Variants in CDON observed in about 807,000 individuals in gnomAD.
CDON encodes cell adhesion associated, oncogene regulated, also known as cell adhesion molecule-related/down-regulated by oncogenes.
Under a neutral mutation model 120.9 loss-of-function variants are expected in CDON, and 73 were observed. The ratio of observed to expected loss-of-function variants is 0.60; its 90% CI spans 0.50 to 0.73. The LOEUF is 0.73. Among genes scored for constraint, CDON ranks in the 30% least tolerant of loss-of-function variants. The probability of loss-of-function intolerance (pLI) is 0.00; values close to 1 mark genes in which losing one functional copy is unlikely to be tolerated. For missense variants in CDON, 1,470 were observed against 1,587.3 expected (o/e 0.93, Z 1.26); for synonymous variants, 566 against 573.5 (o/e 0.99, Z 0.19).
At position 125,958,272 on chromosome 11, in the gene CDON, G is replaced by A. The variant is rs1180073792; in HGVS notation, c.*2670C>T. On this transcript the variant is annotated 3_prime_UTR_variant, in exon 20 of 20. Coordinates refer to ENST00000531738, the MANE Select transcript of CDON (RefSeq NM_001378964.1). ...TTATGGCTCCAGATAAACTAGGTTC[G>A]GATTCAGGTCCCATGGCTCACTGAG... The A allele has an allele frequency of 2.6e-5, 4 of 152,174 alleles. No homozygotes were observed. Among genetic ancestry groups the A allele is most frequent in the Non-Finnish European group, 5.9e-5 (4 of 68,042 alleles). The allele number at this position is 152,174 out of a possible 1,614,324, so 9.4% of individuals were successfully genotyped here.
At chr11:126,036,813 C>G (rs1948109226) in intron 1 of CDON, among the ~76,000 whole-genome samples, 1 of 152,120 alleles carries the variant, frequency 6.6e-6, no homozygotes. Context: ...CTTAACCTCC[C>G]AAGTGGCTGG....
chr11:126,040,090 T>G (rs947372736), intron 1 of CDON, among the ~76,000 whole-genome samples: 3 of 151,876 alleles, frequency 2.0e-5, no homozygotes, highest in Admixed American at 6.6e-5. Context: ...TATACTCAAA[T>G]AAATAAATAA....
intron 1 of CDON, among the ~76,000 whole-genome samples, chr11:126,050,537 A>C (rs903261785): frequency 6.8e-6 from 1 of 147,242 alleles, no homozygotes; most frequent in East Asian, 2.0e-4. Context: ...CACACAAACA[A>C]AAAAAAGTCT....
intron 18 of CDON, among the ~76,000 whole-genome samples, chr11:125,972,360 G>A (rs747207300): frequency 2.6e-5 from 4 of 152,046 alleles, no homozygotes; most frequent in Non-Finnish European, 4.4e-5. Flanking sequence ...CCCAGGAAGC[G>A]GCGTTGCAGT....
chr11:126,038,203 T>C (rs1948153719), intron 1 of CDON, among the ~76,000 whole-genome samples: 1 of 152,186 alleles, frequency 6.6e-6, no homozygotes, highest in Non-Finnish European at 1.5e-5. Context: ...GGTAAAGAAT[T>C]TGCAGAAATT....
chr11:125,993,399 A>G (rs1202130393), intron 14 of CDON, among the ~76,000 whole-genome samples: 3 of 1,832 alleles, frequency 1.6e-3, no homozygotes, highest in African/African-American at 2.5e-3. Flanking sequence ...GTGCGTGCAC[A>G]CACACACACA....
chr11:125,981,368 ACACACG>A (rs766778473), intron 16 of CDON, 39 bp from the exon 17 acceptor site: 1 of 1,588,730 alleles, frequency 6.3e-7, no homozygotes. Context: ...ACGCACACAC[ACACACG>A]CACGCACACA....
intron 9 of CDON, chr11:126,004,439 T>G: frequency 3.4e-6 from 1 of 291,644 alleles, no homozygotes. Context: ...GTATCATTGG[T>G]AATTATATAA....
intron 14 of CDON, among the ~76,000 whole-genome samples, chr11:125,990,414 G>A (rs1369828379): frequency 1.3e-5 from 2 of 152,114 alleles, no homozygotes; most frequent in African/African-American, 2.4e-5. Context: ...TCTGTTATCC[G>A]TGGCACACAG....
rs768236792 is a variant in CDON, at chr11:126,001,844, G to GT, written c.2032dup (p.Thr678AsnfsTer18). Reference sequence around the variant, plus strand: ...TGCCTGGGTGTTTTTTGATGACGCTGTTTTTTCTAGAAAGGTAAATAAACA... The same window carrying GT: ...TGCCTGGGTGTTTTTTGATGACGCTGTTTTTTTCTAGAAAGGTAAATAAACA... On this transcript the variant is annotated frameshift_variant, in exon 11 of 20. Coordinates refer to ENST00000531738, the MANE Select transcript of CDON (RefSeq NM_001378964.1). LOFTEE classifies it high-confidence loss of function. 1.3e-6 allele frequency: 2 copies of GT among 1,594,996 alleles called. No homozygotes were observed. The highest frequency in any genetic ancestry group is 2.2e-5 in the East Asian group (1 of 44,788).
chr11:126,011,787 A>C (rs1343496348), intron 7 of CDON, among the ~76,000 whole-genome samples: 1 of 152,236 alleles, frequency 6.6e-6, no homozygotes, highest in African/African-American at 2.4e-5. Flanking sequence ...CACAGATCAT[A>C]CATTCTTCAA....
intron 1 of CDON, among the ~76,000 whole-genome samples, chr11:126,027,742 T>C (rs1393751643): frequency 6.6e-6 from 1 of 152,194 alleles, no homozygotes; most frequent in Admixed American, 6.5e-5. Context: ...CCATCCTCCT[T>C]ATCTTTTCTT....
chr11:126,005,405 A>C (rs1165097162), intron 9 of CDON: 9 of 226,382 alleles, frequency 4.0e-5, no homozygotes, highest in Non-Finnish European at 7.9e-5. Flanking sequence ...GTTTTTAATA[A>C]GAAACTGCTT....
intron 18 of CDON, among the ~76,000 whole-genome samples, chr11:125,969,643 G>A (rs1945905036): frequency 6.6e-6 from 1 of 152,150 alleles, no homozygotes; most frequent in Non-Finnish European, 1.5e-5. Flanking sequence ...TAAAAACATT[G>A]AGTAAATGGA....
intron 9 of CDON, 79 bp from the exon 10 acceptor site, chr11:126,004,155 C>G: frequency 7.2e-7 from 1 of 1,395,880 alleles, no homozygotes; most frequent in Non-Finnish European, 1.0e-6. Context: ...TTGATCAAAA[C>G]TAGGATTCAT....
intron 18 of CDON, among the ~76,000 whole-genome samples, chr11:125,972,471 G>A (rs968216029): frequency 6.6e-6 from 1 of 151,882 alleles, no homozygotes; most frequent in Non-Finnish European, 1.5e-5. Flanking sequence ...AGGATTCAAG[G>A]TCATGGAACC....
In CDON at chr11:126,043,703, C is replaced by T. The variant is rs186757908; in HGVS notation, c.-62+18876G>A. Among the ~76,000 whole-genome samples, 3 of 152,360 alleles carry T rather than the reference C, an allele frequency of 2.0e-5. No individual in the cohort carries two copies. In the East Asian group the frequency reaches 5.8e-4, roughly 29 times the overall value. On this transcript the variant is annotated intron_variant, in intron 1 of 19. Coordinates refer to ENST00000531738, the MANE Select transcript of CDON (RefSeq NM_001378964.1). ...GGCCTAAGCCTTCCCGCGCCATACA[C>T]AGCTTCCTAAGCAAAAGAAAGGCCT... is the stretch of plus-strand genomic sequence containing the variant.
At chr11:126,062,407 G>A (rs889641416) in intron 1 of CDON, among the ~76,000 whole-genome samples, 172 bp downstream of exon 1, 6 of 152,058 alleles carry the variant, frequency 3.9e-5, no homozygotes, top group African/African-American at 1.4e-4. Flanking sequence ...CTCCCCGCCG[G>A]GCAAGCATCA....
rs74545052 is a variant in CDON at position 126,015,106 on chromosome 11, C to A, written c.1198+135G>T. 81,758 of 838,084 alleles carry A rather than the reference C, an allele frequency of 0.098. 4,260 individuals are homozygous for A. The highest frequency in any genetic ancestry group is 0.13 in the Admixed American group (6,809 of 51,238). 51.9% of individuals were successfully genotyped at this position (838,084 alleles called of 1,614,324 possible). A position where few individuals can be genotyped will look rare whatever the true frequency, so the allele number is the denominator to read the frequency against. The stretch of plus-strand genomic sequence containing the variant: ...AATGCCTACCTGTCACTAGCCAGGA[C>A]CATGGAAAATGAACACCGTTCTTGT... On this transcript the variant is annotated intron_variant, in intron 7 of 19. Transcript: ENST00000531738.
Sources: allele counts gnomAD v4.1 joint callset (sites outside exome capture counted in the v4.1 genomes callset), GRCh38; gene constraint gnomAD v4.1.1; transcripts MANE v1.5; gene names NCBI Gene and HGNC (gene_info 2026-07-23, HGNC 2026-07-21).